UTRN: variants seen among roughly 807,000 people sequenced by gnomAD.
The protein encoded by UTRN is dystrophin-related protein 1.
Under a neutral mutation model 463.9 loss-of-function variants are expected in UTRN, and 283 were observed. That is an observed-to-expected ratio of 0.61 (90% CI 0.55 to 0.67). UTRN has a LOEUF of 0.67. Ranked by LOEUF, UTRN falls within the 30% of genes least tolerant of loss-of-function variation. The pLI, the probability that UTRN is intolerant of heterozygous loss-of-function variation, is 0.00. For missense variants in UTRN, 3,922 were observed against 4,084.3 expected (o/e 0.96, Z 1.08); for synonymous variants, 1,442 against 1,431.5 (o/e 1.01, Z -0.17).
chr6:144,519,576 G>C (rs1795904955), intron 39 of UTRN, among the ~76,000 whole-genome samples: 1 of 152,148 alleles, frequency 6.6e-6, no homozygotes, highest in Non-Finnish European at 1.5e-5. Context: ...GTCTCGGTCA[G>C]ATCTCGAGGA....
At chr6:144,375,938 G>A (rs1780418418) in intron 2 of UTRN, among the ~76,000 whole-genome samples, 1 of 152,024 alleles carries the variant, frequency 6.6e-6, no homozygotes, top group African/African-American at 2.4e-5. Context: ...CCCCACATAG[G>A]GTAGCAGCCT....
intron 48 of UTRN, among the ~76,000 whole-genome samples, chr6:144,553,739 T>C (rs1222692883): frequency 6.6e-6 from 1 of 151,836 alleles, no homozygotes; most frequent in African/African-American, 2.4e-5. Context: ...GGGGAAACCC[T>C]CTCTCTACTA....
intron 44 of UTRN, among the ~76,000 whole-genome samples, chr6:144,538,502 A>C (rs1447107565): frequency 1.8e-5 from 2 of 111,974 alleles, no homozygotes; most frequent in Admixed American, 8.7e-5. Context: ...CCCCATCTCT[A>C]TAAAAATACA....
chr6:144,629,099 G>C (rs1213167296), intron 51 of UTRN, among the ~76,000 whole-genome samples: 1 of 152,096 alleles, frequency 6.6e-6, no homozygotes, highest in African/African-American at 2.4e-5. Context: ...CCACATTCTT[G>C]AAAATCTTTC....
At chr6:144,708,479 C>A in intron 53 of UTRN, 1 of 544,800 alleles carries the variant, frequency 1.8e-6, no homozygotes, top group South Asian at 2.1e-5. Flanking sequence ...CCTTCATCCC[C>A]TCTGAGTTCT....
chr6:144,612,575 A>G lies in UTRN; in HGVS notation c.7479+35287A>G, dbSNP rs541161322. Among the ~76,000 whole-genome samples, 10 of 152,284 alleles carry G rather than the reference A, an allele frequency of 6.6e-5. No homozygotes were observed. The South Asian group carries it at 1.9e-3, about 28-fold the overall frequency. On this transcript the variant is annotated intron_variant, in intron 51 of 74. Coordinates refer to ENST00000367545, the MANE Select transcript of UTRN (RefSeq NM_007124.3). ...AGACATTTCCCAAAAGTAGATACAGAAATGATCATCAGGTACAGGAAAAAA... is the reference window on the plus strand; with the variant it reads ...AGACATTTCCCAAAAGTAGATACAGGAATGATCATCAGGTACAGGAAAAAA...
intron 2 of UTRN, among the ~76,000 whole-genome samples, chr6:144,386,620 A>G (rs761917862): frequency 7.9e-5 from 12 of 152,172 alleles, no homozygotes; most frequent in Non-Finnish European, 1.8e-4. Context: ...TCTGTGATTT[A>G]TGGGCCAATT....
At chr6:144,606,082 T>C (rs767558650) in intron 51 of UTRN, among the ~76,000 whole-genome samples, 2 of 152,214 alleles carry the variant, frequency 1.3e-5, no homozygotes, top group Non-Finnish European at 2.9e-5. Context: ...AAATATATTC[T>C]AATTGTACCT....
At chr6:144,845,859 A>ACTC (rs1237824142) in intron 73 of UTRN, among the ~76,000 whole-genome samples, 1 of 151,984 alleles carries the variant, frequency 6.6e-6, no homozygotes, top group Non-Finnish European at 1.5e-5. Context: ...TAGGAAGGGT[A>ACTC]CTCTTCATGC....
At chr6:144,799,416 AG>A (rs1432182921) in intron 64 of UTRN, 4 of 471,548 alleles carry the variant, frequency 8.5e-6, no homozygotes, top group South Asian at 6.2e-5. Context: ...GCAGACAGCT[AG>A]GGTAATAGAT....
chr6:144,323,481 AG>A (rs1377134084), intron 2 of UTRN, among the ~76,000 whole-genome samples: 1 of 152,228 alleles, frequency 6.6e-6, no homozygotes, highest in African/African-American at 2.4e-5. Flanking sequence ...TTTAAATGTT[AG>A]GGGATTTTAA....
intron 18 of UTRN, 73 bp downstream of exon 18, chr6:144,451,566 G>T: frequency 2.0e-6 from 3 of 1,481,240 alleles, no homozygotes; most frequent in Middle Eastern, 2.3e-4. Flanking sequence ...CTGGCATAAA[G>T]ACATTATGGA....
At chr6:144,542,926 G>A in intron 46 of UTRN, 56 bp downstream of exon 46, 1 of 1,461,824 alleles carries the variant, frequency 6.8e-7, no homozygotes, top group Non-Finnish European at 9.4e-7. Context: ...GTAAAATTTT[G>A]TGATATGAGC....
At chr6:144,803,905 G>GT (rs1332678185) in intron 65 of UTRN, among the ~76,000 whole-genome samples, 2 of 151,820 alleles carry the variant, frequency 1.3e-5, no homozygotes, top group Non-Finnish European at 2.9e-5. Context: ...TGATGTCAAC[G>GT]TTTTTTTCAA....
chr6:144,311,652 T>A (rs1182336000), intron 2 of UTRN: 1 of 152,216 alleles, frequency 6.6e-6, no homozygotes, highest in Admixed American at 6.5e-5. Context: ...AACCTAATTG[T>A]TAATGCTTAA....
chr6:144,582,752 C>T (rs997756899), intron 51 of UTRN, among the ~76,000 whole-genome samples: 4 of 152,158 alleles, frequency 2.6e-5, no homozygotes, highest in Admixed American at 2.6e-4. Context: ...CTGGATCGCT[C>T]TGCTTTTAGG....
At chr6:144,804,609 T>A (rs1270879008) in intron 65 of UTRN, among the ~76,000 whole-genome samples, 2 of 152,070 alleles carry the variant, frequency 1.3e-5, no homozygotes, top group Non-Finnish European at 2.9e-5. Context: ...AAGTGAAAAA[T>A]GACAAAGCAT....
intron 9 of UTRN, among the ~76,000 whole-genome samples, chr6:144,434,051 C>T (rs999561227): frequency 5.3e-5 from 8 of 152,356 alleles, no homozygotes; most frequent in South Asian, 2.1e-4. Context: ...AGCCTGGGCA[C>T]CATTGAGCGC....
intron 65 of UTRN, among the ~76,000 whole-genome samples, chr6:144,815,632 A>T (rs1192827159): frequency 6.6e-6 from 1 of 152,330 alleles, no homozygotes; most frequent in Non-Finnish European, 1.5e-5. Flanking sequence ...GCACGGAAAA[A>T]GATGAAGGCC....
Sources: gnomAD v4.1 joint callset for allele counts (sites outside exome capture counted in the v4.1 genomes callset) on GRCh38, gnomAD v4.1.1 for gene constraint, MANE v1.5 for transcripts, NCBI Gene and HGNC (gene_info 2026-07-23, HGNC 2026-07-21) for gene names.